The following CCDC171 variants were observed in gnomAD, a reference collection of about 807,000 sequenced individuals.
CCDC171 encodes coiled-coil domain containing 171.
CCDC171 carries 177 observed loss-of-function variants against 168.2 expected under a neutral mutation model. That is an observed-to-expected ratio of 1.05 (90% confidence interval 0.93 to 1.19). The LOEUF is 1.19. Among genes scored for constraint, CCDC171 ranks in the 50% most tolerant of loss-of-function variants. CCDC171 has a pLI of 0.00. For missense variants in CCDC171, 1,991 were observed against 1,539.0 expected, an observed-to-expected ratio of 1.29 and a Z score of -4.91; for synonymous variants, 687 against 540.8, an observed-to-expected ratio of 1.27 and a Z score of -3.75.
chr9:15,968,141 A>G (rs1183355834), intron 25 of CCDC171, among the ~76,000 whole-genome samples: 1 of 152,224 alleles, frequency 6.6e-6, no homozygotes, highest in Non-Finnish European at 1.5e-5. Context: ...GTTCAAATAG[A>G]ATCATTTATA....
chr9:16,044,971 C>G (rs1407619728), intron 1 of CCDC171, among the ~76,000 whole-genome samples: 3 of 152,184 alleles, frequency 2.0e-5, no homozygotes, highest in African/African-American at 7.2e-5. Context: ...GGTCTCTGCT[C>G]TTTTTAGCGT....
chr9:15,983,011 C>G lies in CCDC171; in HGVS notation n.369-37578C>G, dbSNP rs181335950. Among the ~76,000 whole-genome samples the G allele has an allele frequency of 3.3e-5, 5 of 152,286 alleles. No individual in the cohort carries two copies. The East Asian group carries it at 5.8e-4, about 18-fold the overall frequency. On this transcript the variant is annotated intron_variant and non_coding_transcript_variant, in intron 3 of 9. Transcript: ENST00000486641. ...GGTCACTTCCTACAAATAAATCCCACTGAAACATGTTCGTTCTTACCCTGG... is the reference window on the plus strand; with the variant it reads ...GGTCACTTCCTACAAATAAATCCCAGTGAAACATGTTCGTTCTTACCCTGG...
At chr9:15,877,578 G>A (rs989561487) in intron 24 of CCDC171, among the ~76,000 whole-genome samples, 1 of 152,044 alleles carries the variant, frequency 6.6e-6, no homozygotes, top group African/African-American at 2.4e-5. Context: ...TGTCTCCAGT[G>A]AAACCTTTCG....
intron 6 of CCDC171, among the ~76,000 whole-genome samples, chr9:15,617,860 C>A (rs2044206461): frequency 6.6e-6 from 1 of 152,164 alleles, no homozygotes; most frequent in South Asian, 2.1e-4. Flanking sequence ...AAGATTGCTG[C>A]CTGCTCCTTC....
At position 15,971,970 on chromosome 9, in the gene CCDC171, T is replaced by C. The variant is rs537124187; in HGVS notation, c.*134T>C. ...TTAAAAAATTTGTGCGCTATCTTGA[T>C]GTATTCTGGTAGCTCTGTCTCCTTG... On this transcript the variant is annotated 3_prime_UTR_variant, in exon 26 of 26. Transcript: ENST00000380701. 13 of 691,862 alleles carry C rather than the reference T, an allele frequency of 1.9e-5. No individual in the cohort carries two copies. Among genetic ancestry groups the C allele is most frequent in the Non-Finnish European group, 3.2e-5 (13 of 408,638 alleles). 42.9% of individuals were successfully genotyped at this position (691,862 alleles called of 1,614,324 possible).
downstream of CCDC171, among the ~76,000 whole-genome samples, chr9:16,062,389 A>C (rs181205828): frequency 6.6e-6 from 1 of 152,266 alleles, no homozygotes; most frequent in Admixed American, 6.5e-5. Flanking sequence ...GATAGACACC[A>C]GGGACAACTT....
chr9:15,634,780 C>G (rs1165065356), intron 7 of CCDC171, among the ~76,000 whole-genome samples: 3 of 152,136 alleles, frequency 2.0e-5, no homozygotes, highest in Non-Finnish European at 2.9e-5. Context: ...ATAAGAAACC[C>G]TGCTCATTAG....
intron 25 of CCDC171, among the ~76,000 whole-genome samples, chr9:15,926,572 C>G (rs774590891): frequency 6.6e-6 from 1 of 151,734 alleles, no homozygotes. Context: ...TTCCCCTTCT[C>G]ACAGAAGGCT....
chr9:15,565,271 T>C (rs1262179757), intron 2 of CCDC171, among the ~76,000 whole-genome samples: 2 of 152,130 alleles, frequency 1.3e-5, no homozygotes, highest in Non-Finnish European at 2.9e-5. Flanking sequence ...AATATGTATT[T>C]ACAAATTAGA....
At position 15,744,447 on chromosome 9, in the gene CCDC171, T is replaced by C; in HGVS notation, c.2224T>C (p.Tyr742His). Reference sequence around the variant, plus strand: ...AATGGCTGGTGCCTTATATCCCCTCTATAGCCGATCATGCGCCTTGTCTAC... The same window carrying C: ...AATGGCTGGTGCCTTATATCCCCTCCATAGCCGATCATGCGCCTTGTCTAC... The part of the protein sequence containing the change: ...ALMAGALYPL[Y>H]SRSCALSTQR... The change falls in exon 17 of 26, where the codon TAT (tyrosine) becomes CAT (histidine). Residue 742 changes from tyrosine (Y) to histidine (H), a missense_variant. By Grantham distance (83) the Tyr-to-His change is moderately conservative. Transcript: ENST00000380701. 1 of 1,614,096 alleles carries C rather than the reference T, an allele frequency of 6.2e-7. No individual in the cohort carries two copies. Among genetic ancestry groups the C allele is most frequent in the Non-Finnish European group, 8.5e-7 (1 of 1,180,010 alleles).
rs1162755076 is a variant in CCDC171 at position 15,819,982 on chromosome 9, C to G, written c.3268-26720C>G. Among the ~76,000 whole-genome samples, 5 of 116,916 alleles carry G rather than the reference C, an allele frequency of 4.3e-5. 2 individuals carry two copies. The highest frequency in any genetic ancestry group is 1.6e-4 in the African/African-American group (5 of 30,404). 76.7% of individuals were successfully genotyped at this position (116,916 alleles called of 152,430 possible). A position where few individuals can be genotyped will look rare whatever the true frequency, so the allele number is the denominator to read the frequency against. Reference sequence around the variant, plus strand: ...AAATGTAAAAGAACAGAAATTATAACAAACTGTGTCTCAGACCACAGTGCA... The same window carrying G: ...AAATGTAAAAGAACAGAAATTATAAGAAACTGTGTCTCAGACCACAGTGCA... On this transcript the variant is annotated intron_variant, in intron 21 of 25. Transcript: ENST00000380701.
chr9:16,032,565 T>A (rs1833381773), intron 6 of CCDC171, among the ~76,000 whole-genome samples: 1 of 152,272 alleles, frequency 6.6e-6, no homozygotes, highest in African/African-American at 2.4e-5. Context: ...TACAGCGAAG[T>A]GGGGACCGAG....
chr9:15,908,614 C>T (rs57158144), intron 24 of CCDC171, among the ~76,000 whole-genome samples: 2,630 of 152,192 alleles, frequency 0.017, 90 homozygotes, highest in African/African-American at 0.061. Flanking sequence ...ATGAACTAAC[C>T]TGCACGTTGT....
chr9:15,713,180 C>A (rs189384664), intron 11 of CCDC171, among the ~76,000 whole-genome samples: 7 of 152,218 alleles, frequency 4.6e-5, no homozygotes, highest in Non-Finnish European at 2.9e-5. Context: ...CACTACTTGA[C>A]GTTCTGCTTA....
intron 18 of CCDC171, among the ~76,000 whole-genome samples, chr9:15,746,722 T>C (rs896208777): frequency 6.6e-6 from 1 of 152,126 alleles, no homozygotes. Context: ...CCAACTGAGG[T>C]ACCTTGTTCA....
chr9:15,870,577 C>T (rs1299770848), intron 23 of CCDC171, among the ~76,000 whole-genome samples: 2 of 151,726 alleles, frequency 1.3e-5, no homozygotes, highest in Admixed American at 6.6e-5. Flanking sequence ...TTTAAGTCAA[C>T]CTCAGTTTTT....
intron 18 of CCDC171, among the ~76,000 whole-genome samples, chr9:15,769,500 A>G (rs1388482898): frequency 1.3e-5 from 2 of 152,242 alleles, no homozygotes; most frequent in Non-Finnish European, 2.9e-5. Flanking sequence ...AGTTCCTTCA[A>G]TTATGAATGG....
chr9:16,067,976 GA>G, the CCDC171 span, among the ~76,000 whole-genome samples: 1 of 151,892 alleles, frequency 6.6e-6, no homozygotes, highest in Non-Finnish European at 1.5e-5. Flanking sequence ...GCAGGAGAAG[GA>G]AATAAAAGGT....
chr9:16,019,341 G>C (rs12006378), intron 3 of CCDC171, among the ~76,000 whole-genome samples: 2,774 of 152,308 alleles, frequency 0.018, 83 homozygotes, highest in African/African-American at 0.062. Context: ...TCAAGTCCTG[G>C]TAAAAGTAAA....
Sources: allele counts gnomAD v4.1 joint callset (sites outside exome capture counted in the v4.1 genomes callset), GRCh38; gene constraint gnomAD v4.1.1; transcripts MANE v1.5; gene names NCBI Gene and HGNC (gene_info 2026-07-23, HGNC 2026-07-21).